DNAH1: variants seen among roughly 807,000 people sequenced by gnomAD.
The protein encoded by DNAH1 is dynein axonemal heavy chain 1.
In DNAH1, 327 loss-of-function variants were observed where a neutral mutation model predicts 484.3. That is an observed-to-expected ratio of 0.68 (90% CI 0.62 to 0.74). The LOEUF (loss-of-function observed/expected upper bound fraction) is 0.74, where lower values mean the gene tolerates loss of function less well. DNAH1 is among the 30% of genes least tolerant of loss of function. The pLI is 0.00. For missense variants in DNAH1, 5,052 were observed against 5,546.8 expected (o/e 0.91, Z 2.83); for synonymous variants, 2,192 against 2,191.9 (o/e 1.00, Z 0.00).
At chr3:52,336,106 G>A (rs1328787187) in intron 8 of DNAH1, among the ~76,000 whole-genome samples, 1 of 152,134 alleles carries the variant, frequency 6.6e-6, no homozygotes, top group Non-Finnish European at 1.5e-5. Context: ...CTGTGCAAAA[G>A]CTCTTGAATT....
chr3:52,386,614 G>A (rs1559560787), intron 55 of DNAH1, 48 bp from the exon 56 acceptor site: 1 of 1,498,190 alleles, frequency 6.7e-7, no homozygotes, highest in East Asian at 2.5e-5. Context: ...CCTGCCGAGG[G>A]GTGCCCACTG....
In DNAH1 at chr3:52,384,955, G is replaced by T. The variant is rs777520631; in HGVS notation, c.8492G>T (p.Arg2831Leu). 13 of 1,613,166 alleles carry T rather than the reference G, an allele frequency of 8.1e-6. No individual in the cohort carries two copies. In the African/African-American group the frequency reaches 1.6e-4, roughly 20 times the overall value. ...KKLELKTAKNRMKSGLDKLLR... is the reference protein window; with the variant it reads ...KKLELKTAKNLMKSGLDKLLR... Reference sequence around the variant, plus strand: ...CTGGAGCTGAAAACTGCCAAGAACCGCATGAAGAGCGGCCTCGACAAGGTG... The same window carrying T: ...CTGGAGCTGAAAACTGCCAAGAACCTCATGAAGAGCGGCCTCGACAAGGTG... Residue 2831 changes from arginine (R) to leucine (L), a missense_variant, in exon 53 of 78, where the codon CGC (arginine) becomes CTC (leucine). By Grantham distance (102) the Arg-to-Leu change is moderately radical (BLOSUM62 -2). Around this residue, in one of 4 missense-constraint regions of DNAH1, gnomAD observed 2,929 missense variants for 3,409.4 expected, o/e 0.86. Transcript: ENST00000420323.
At chr3:52,372,534 T>C in intron 43 of DNAH1, 147 bp downstream of exon 43, 1 of 1,160,098 alleles carries the variant, frequency 8.6e-7, no homozygotes, top group Non-Finnish European at 1.2e-6. Context: ...GGCCCAGGGT[T>C]CCCTCACAGA....
Position 52,398,995 on chromosome 3 carries a change from G to A in DNAH1, c.12235G>A (p.Ala4079Thr). ...TGTGCCTGAGCTCTGGAGTGCCAAG[G>A]CCTACCCATCGCTCAAGCCTCTGTC... ...NTVPELWSAK[A>T]YPSLKPLSSW... Residue 4079 changes from alanine to threonine, a missense_variant, in exon 76 of 78, where the codon GCC (alanine) becomes ACC (threonine). Transcript: ENST00000420323. The A allele has an allele frequency of 6.2e-7, 1 of 1,613,972 alleles. No homozygotes were observed. Among genetic ancestry groups the A allele is most frequent in the Non-Finnish European group, 8.5e-7 (1 of 1,179,868 alleles).
intron 56 of DNAH1, among the ~76,000 whole-genome samples, 168 bp downstream of exon 56, chr3:52,387,021 G>A (rs557825350): frequency 6.6e-6 from 1 of 152,298 alleles, no homozygotes; most frequent in African/African-American, 2.4e-5. Flanking sequence ...ACAAGGGCCC[G>A]AGGGCCACAC....
Position 52,392,988 on chromosome 3 carries a change from C to A in DNAH1, c.10437C>A (p.Asn3479Lys). 1 of 1,613,750 alleles carries A rather than the reference C, an allele frequency of 6.2e-7. No individual in the cohort carries two copies. Among genetic ancestry groups the A allele is most frequent in the South Asian group, 1.1e-5 (1 of 91,074 alleles). ...MYQYSLEWFL[N>K]IFLSGIANSE... ...AGTACTCCCTTGAGTGGTTTCTCAA[C>A]ATCTTCCTCTCGGGCATCGCCAACT... Residue 3479 changes from asparagine (N) to lysine (K), a missense_variant, in exon 65 of 78, where the codon AAC becomes AAA. By Grantham distance (94) the Asn-to-Lys change is moderately conservative. Around this residue, in one of 4 missense-constraint regions of DNAH1, gnomAD observed 2,929 missense variants for 3,409.4 expected, o/e 0.86. Coordinates refer to ENST00000420323, the MANE Select transcript of DNAH1 (RefSeq NM_015512.5).
intron 8 of DNAH1, among the ~76,000 whole-genome samples, chr3:52,343,562 G>A (rs1381991879): frequency 6.6e-6 from 1 of 152,184 alleles, no homozygotes; most frequent in African/African-American, 2.4e-5. Context: ...TTCTAGGCCA[G>A]GTTGAGGGTG....
chr3:52,331,223 T>A lies in DNAH1; in HGVS notation c.947T>A (p.Leu316Gln), dbSNP rs766608273. The stretch of plus-strand genomic sequence containing the variant: ...CTGGACTACGACGAGGAGAAGAAGC[T>A]ATACCTGGTACACAAGACAGACGAG... The part of the protein sequence containing the change: ...GVLDYDEEKK[L>Q]YLVHKTDEKG... The change falls in exon 7 of 78, where the codon CTA becomes CAA. Residue 316 changes from leucine to glutamine, a missense_variant. By Grantham distance (113) the Leu-to-Gln change is moderately radical. Around this residue, in one of 4 missense-constraint regions of DNAH1, gnomAD observed 1,263 missense variants for 1,218.8 expected, o/e 1.04. Coordinates refer to ENST00000420323, the MANE Select transcript of DNAH1 (RefSeq NM_015512.5). 1.2e-6 allele frequency: 2 copies of A among 1,610,848 alleles called. No homozygotes were observed. Among genetic ancestry groups the A allele is most frequent in the Admixed American group, 3.4e-5 (2 of 59,556 alleles).
chr3:52,393,230 G>A lies in DNAH1; in HGVS notation c.10475-104G>A, dbSNP rs1704474970. The A allele has an allele frequency of 3.8e-6, 6 of 1,560,036 alleles. No homozygotes were observed. The South Asian group carries it at 7.1e-5, about 18-fold the overall frequency. ...CACCAAGTGCCCAAGAGGAGGCCCA[G>A]GCTGCCCCTACGGCTGCTGGGGAGA... On this transcript the variant is annotated intron_variant, in intron 65 of 77. Transcript: ENST00000420323.
Position 52,370,647 on chromosome 3 carries a change from C to A in DNAH1, c.6417+12C>A, listed in dbSNP as rs529589339. The A allele has an allele frequency of 6.2e-7, 1 of 1,606,060 alleles. No homozygotes were observed. The highest frequency in any genetic ancestry group is 8.5e-7 in the Non-Finnish European group (1 of 1,176,304). On this transcript the variant is annotated intron_variant, in intron 40 of 77. Coordinates refer to ENST00000420323, the MANE Select transcript of DNAH1 (RefSeq NM_015512.5). ...TGGAGAACGAACAGGTGAGAGCCGGCGGCCCCCAGGGACCAGGAGCCTCAG... is the reference window on the plus strand; with the variant it reads ...TGGAGAACGAACAGGTGAGAGCCGGAGGCCCCCAGGGACCAGGAGCCTCAG...
At position 52,388,186 on chromosome 3, in the gene DNAH1, T is replaced by C. The variant is rs765558333; in HGVS notation, c.9023T>C (p.Val3008Ala). 8.1e-6 allele frequency: 13 copies of C among 1,609,716 alleles called. No individual in the cohort carries two copies. The South Asian group carries it at 8.9e-5, about 11-fold the overall frequency. ...KFDKDNIGDV[V>A]IKAIQPYIDN... ...CCTCAGGACAACATTGGGGATGTGGTGATCAAAGCCATCCAGCCGTACATC... is the reference window on the plus strand; with the variant it reads ...CCTCAGGACAACATTGGGGATGTGGCGATCAAAGCCATCCAGCCGTACATC... The change falls in exon 57 of 78, where the codon GTG becomes GCG. Residue 3008 changes from valine (V) to alanine (A), a missense_variant. Transcript: ENST00000420323.
intron 46 of DNAH1, among the ~76,000 whole-genome samples, chr3:52,376,194 C>T (rs1295714895): frequency 6.6e-6 from 1 of 152,130 alleles, no homozygotes; most frequent in Non-Finnish European, 1.5e-5. Flanking sequence ...TTCTTAGAGC[C>T]CTTCCATGCC....
Position 52,398,089 on chromosome 3 carries a change from C to T in DNAH1, c.12016C>T (p.Gln4006Ter), listed in dbSNP as rs1158453100. Reference sequence around the variant, plus strand: ...CAAGGTGCCTGAGCCTATCAACTTGCAATGGGTGATGGCCAAGTACCCAGT... The same window carrying T: ...CAAGGTGCCTGAGCCTATCAACTTGTAATGGGTGATGGCCAAGTACCCAGT... ...LLKVPEPINL[Q>*]WVMAKYPVLY... The change falls in exon 75 of 78, where the codon CAA (glutamine) becomes TAA (stop). Residue 4006 changes from glutamine to a stop codon, truncating the protein, a stop_gained. Transcript: ENST00000420323. LOFTEE classifies it high-confidence loss of function. 2 of 1,613,922 alleles carry T rather than the reference C, an allele frequency of 1.2e-6. No individual in the cohort carries two copies. Among genetic ancestry groups the T allele is most frequent in the African/African-American group, 1.3e-5 (1 of 75,042 alleles).
intron 4 of DNAH1, 143 bp downstream of exon 4, chr3:52,326,457 G>C: frequency 8.7e-7 from 1 of 1,149,858 alleles, no homozygotes; most frequent in Non-Finnish European, 1.2e-6. Flanking sequence ...CTAGCCCTTT[G>C]GTGTCTTAAT....
In DNAH1 at chr3:52,349,376, G is replaced by A. The variant is rs141416042; in HGVS notation, c.2482G>A (p.Val828Met). The stretch of plus-strand genomic sequence containing the variant: ...GAAACGCAAGGCCCTGGCCACTTCC[G>A]TGCTGGACATCCTTGCCAAGAACCT... Reference protein sequence around the residue: ...SKKRKALATSVLDILAKNLHK... With the variant: ...SKKRKALATSMLDILAKNLHK... The change falls in exon 14 of 78, where the codon GTG becomes ATG. Residue 828 changes from valine (V) to methionine (M), a missense_variant. By Grantham distance (21) the Val-to-Met change is conservative. Transcript: ENST00000420323. The A allele has an allele frequency of 1.8e-4, 284 of 1,613,990 alleles. No homozygotes were observed. Among genetic ancestry groups the A allele is most frequent in the Admixed American group, 3.3e-5 (2 of 60,030 alleles).
rs1703753521 is a variant in DNAH1 at position 52,379,662 on chromosome 3, C to T, written c.7378-243C>T. On this transcript the variant is annotated intron_variant, in intron 47 of 77. Coordinates refer to ENST00000420323, the MANE Select transcript of DNAH1 (RefSeq NM_015512.5). The surrounding 1 kb of genome is among the most constrained non-coding windows in gnomAD (Gnocchi z 4.4). ...GCCAGACACCCAGAGGGCACTTGGCCAGCTGGACTCGGAGCTGAGGCATGA... is the reference window on the plus strand; with the variant it reads ...GCCAGACACCCAGAGGGCACTTGGCTAGCTGGACTCGGAGCTGAGGCATGA... 6.6e-6 allele frequency among the ~76,000 whole-genome samples: 1 copy of T among 152,164 alleles called. No individual in the cohort carries two copies. Among genetic ancestry groups the T allele is most frequent in the African/African-American group, 2.4e-5 (1 of 41,444 alleles).
At position 52,358,826 on chromosome 3, in the gene DNAH1, C is replaced by T; in HGVS notation, c.4266+89C>T. 1 of 1,511,356 alleles carries T rather than the reference C, an allele frequency of 6.6e-7. No homozygotes were observed. The highest frequency in any genetic ancestry group is 9.0e-7 in the Non-Finnish European group (1 of 1,113,578). 93.6% of individuals were successfully genotyped at this position (1,511,356 alleles called of 1,614,324 possible). A position where few individuals can be genotyped will look rare whatever the true frequency, so the allele number is the denominator to read the frequency against. Reference sequence around the variant, plus strand: ...CTCCTGCTCTAGCCGGCCTCGTCCTCAGGCTGCAGCCCTGAGGTCCCTGGG... The same window carrying T: ...CTCCTGCTCTAGCCGGCCTCGTCCTTAGGCTGCAGCCCTGAGGTCCCTGGG... On this transcript the variant is annotated intron_variant, in intron 25 of 77. Transcript: ENST00000420323. The surrounding 1 kb of genome is among the most constrained non-coding windows in gnomAD (Gnocchi z 4.2).
At chr3:52,387,313 G>C (rs1414324531) in intron 56 of DNAH1, among the ~76,000 whole-genome samples, 3 of 152,096 alleles carry the variant, frequency 2.0e-5, no homozygotes, top group African/African-American at 7.2e-5. Context: ...GTCTGTCTCT[G>C]GGTTTCTCTG....
At chr3:52,356,884 G>C in intron 22 of DNAH1, 106 bp downstream of exon 22, 2 of 1,359,816 alleles carry the variant, frequency 1.5e-6, no homozygotes, top group Non-Finnish European at 2.0e-6. Flanking sequence ...AAGGCTGGTG[G>C]ACAAGCCTGA....
Sources: gnomAD v4.1 joint callset for allele counts (sites outside exome capture counted in the v4.1 genomes callset) on GRCh38, gnomAD v4.1.1 for gene constraint, gnomAD v4.1.1 regional missense constraint, Gnocchi (gnomAD v3.1) non-coding constraint, MANE v1.5 for transcripts, NCBI Gene and HGNC (gene_info 2026-07-23, HGNC 2026-07-21) for gene names.